Variants in TENM2 observed in about 807,000 individuals in gnomAD.
TENM2 encodes teneurin transmembrane protein 2.
TENM2 carries 52 observed loss-of-function variants against 245.2 expected under a neutral mutation model. The observed-to-expected ratio is 0.21, with a 90% CI of 0.17 to 0.27. TENM2 has a LOEUF of 0.27. TENM2 is among the 10% of genes least tolerant of loss of function. TENM2 has a pLI of 1.00. For missense variants in TENM2, 3,046 were observed against 3,666.8 expected (o/e 0.83, Z 4.37); for synonymous variants, 1,363 against 1,438.9 (o/e 0.95, Z 1.19).
At chr5:167,444,620 C>A (rs947945711) in intron 2 of TENM2, among the ~76,000 whole-genome samples, 2 of 152,112 alleles carry the variant, frequency 1.3e-5, no homozygotes, top group African/African-American at 2.4e-5. Context: ...GATTCCTCTT[C>A]CAAAACTTGT....
chr5:167,554,553 C>T (rs1773142111), intron 2 of TENM2, among the ~76,000 whole-genome samples: 1 of 152,212 alleles, frequency 6.6e-6, no homozygotes, highest in Non-Finnish European at 1.5e-5. Flanking sequence ...GGAGAAAAGA[C>T]ACTTCCAATG....
intron 7 of TENM2, among the ~76,000 whole-genome samples, chr5:168,067,834 G>A (rs1044275388): frequency 6.6e-6 from 1 of 152,144 alleles, no homozygotes; most frequent in Non-Finnish European, 1.5e-5. Flanking sequence ...GGCAATGCCA[G>A]GGTTTGGCTG....
the TENM2 span, among the ~76,000 whole-genome samples, chr5:167,161,609 A>AT: frequency 1.1e-4 from 17 of 152,168 alleles, no homozygotes; most frequent in South Asian, 1.2e-3. Flanking sequence ...AACTGCAAGC[A>AT]TTTTTTTTCC....
chr5:167,482,168 T>C (rs1324763368), intron 2 of TENM2, among the ~76,000 whole-genome samples: 2 of 152,254 alleles, frequency 1.3e-5, no homozygotes, highest in African/African-American at 4.8e-5. Context: ...CCTTAATTTT[T>C]ATCACCTGGA....
intron 5 of TENM2, among the ~76,000 whole-genome samples, chr5:168,046,421 A>G (rs572933626): frequency 6.6e-5 from 10 of 152,324 alleles, no homozygotes; most frequent in African/African-American, 2.4e-4. Context: ...TTCCTTACTT[A>G]TTCTCAAAGG....
At chr5:167,162,018 T>A in the TENM2 span, among the ~76,000 whole-genome samples, 29 of 151,732 alleles carry the variant, frequency 1.9e-4, no homozygotes, top group Middle Eastern at 3.4e-3. Flanking sequence ...ATACAAAAAT[T>A]AGCCGGGTGT....
the TENM2 span, among the ~76,000 whole-genome samples, chr5:167,008,830 G>A: frequency 4.6e-5 from 7 of 152,166 alleles, no homozygotes; most frequent in East Asian, 5.8e-4. Context: ...CATGTATATC[G>A]TTCCTATTTG....
At chr5:167,496,423 C>T (rs1190830144) in intron 2 of TENM2, among the ~76,000 whole-genome samples, 1 of 152,068 alleles carries the variant, frequency 6.6e-6, no homozygotes, top group East Asian at 1.9e-4. Context: ...TAAAACTCCT[C>T]CTGAACAACA....
intron 13 of TENM2, among the ~76,000 whole-genome samples, chr5:168,188,278 G>A (rs1300001758): frequency 1.3e-5 from 2 of 152,136 alleles, no homozygotes; most frequent in Non-Finnish European, 2.9e-5. Flanking sequence ...GTTTGTCAAG[G>A]CACAGCCCAG....
chr5:167,882,860 C>T (rs1196043193), intron 3 of TENM2, among the ~76,000 whole-genome samples: 1 of 152,166 alleles, frequency 6.6e-6, no homozygotes, highest in Admixed American at 6.5e-5. Context: ...CCATGAACCT[C>T]AGTTTCCCTA....
At chr5:167,361,223 A>G (rs2862038) in intron 1 of TENM2, among the ~76,000 whole-genome samples, 145,921 of 152,226 alleles carry the variant, frequency 0.96, 69,983 homozygotes, top group African/African-American at 0.98. Context: ...GGAAAGTCAT[A>G]GAAAAGTACA....
At chr5:166,984,924 T>A in the TENM2 span, among the ~76,000 whole-genome samples, 1 of 152,134 alleles carries the variant, frequency 6.6e-6, no homozygotes, top group Non-Finnish European at 1.5e-5. Context: ...ATTTTAGTCT[T>A]TATTTTTTAA....
intron 2 of TENM2, among the ~76,000 whole-genome samples, chr5:167,418,825 AT>A (rs1459028007): frequency 1.3e-5 from 2 of 152,136 alleles, no homozygotes; most frequent in Non-Finnish European, 2.9e-5. Context: ...GGTAAAAGCA[AT>A]TAGTGATGTG....
At chr5:167,231,609 A>G in the TENM2 span, among the ~76,000 whole-genome samples, 2 of 152,196 alleles carry the variant, frequency 1.3e-5, no homozygotes, top group African/African-American at 2.4e-5. Flanking sequence ...AAAATTATTC[A>G]GTTTTAGGTA....
chr5:167,356,217 A>AAAAAAAAAAATT (rs1759321624), intron 1 of TENM2, among the ~76,000 whole-genome samples: 1 of 129,104 alleles, frequency 7.7e-6, no homozygotes, highest in African/African-American at 3.2e-5. Flanking sequence ...AAAAAAAAAA[A>AAAAAAAAAAATT]AAAATTAAAA....
At chr5:167,169,831 T>C in the TENM2 span, among the ~76,000 whole-genome samples, 5 of 152,342 alleles carry the variant, frequency 3.3e-5, no homozygotes, top group African/African-American at 1.2e-4. Flanking sequence ...TTGTTTGATG[T>C]AGTTGTTCTT....
the TENM2 span, among the ~76,000 whole-genome samples, chr5:167,066,065 G>A: frequency 5.0e-3 from 761 of 152,254 alleles, 6 homozygotes; most frequent in African/African-American, 0.017. Context: ...CCTGGGTGGT[G>A]TGAGTGCTGG....
At chr5:168,059,148 A>C (rs1387925461) in intron 6 of TENM2, among the ~76,000 whole-genome samples, 1 of 152,270 alleles carries the variant, frequency 6.6e-6, no homozygotes, top group South Asian at 2.1e-4. Flanking sequence ...GTGGGAGCTA[A>C]TTTAGTCAGT....
At chr5:167,281,716 C>A (rs766783001), upstream of TENM2, among the ~76,000 whole-genome samples, 33 of 152,072 alleles carry the variant, frequency 2.2e-4, no homozygotes, top group Non-Finnish European at 3.8e-4. Flanking sequence ...ATAAGCCTTG[C>A]AGCCGGGCAC....
Sources: allele counts gnomAD v4.1 joint callset (sites outside exome capture counted in the v4.1 genomes callset), GRCh38; gene constraint gnomAD v4.1.1; transcripts MANE v1.5; gene names NCBI Gene and HGNC (gene_info 2026-07-23, HGNC 2026-07-21).